Variants in TSHZ2 observed in about 807,000 individuals in gnomAD.
TSHZ2 encodes teashirt homolog 2.
Under a neutral mutation model 74.4 loss-of-function variants are expected in TSHZ2, and 21 were observed. That is an observed-to-expected ratio of 0.28 (90% confidence interval 0.20 to 0.41). The LOEUF is 0.41. Ranked by LOEUF, TSHZ2 falls within the 10% of genes least tolerant of loss-of-function variation. The pLI, the probability that TSHZ2 is intolerant of heterozygous loss-of-function variation, is 1.00. For synonymous variants in TSHZ2, 540 were observed against 515.3 expected (o/e 1.05, Z -0.65); for missense variants, 1,244 against 1,293.5 (o/e 0.96, Z 0.59).
At chr20:53,168,187 A>G (rs1160722277) in intron 1 of TSHZ2, among the ~76,000 whole-genome samples, 2 of 152,194 alleles carry the variant, frequency 1.3e-5, no homozygotes, top group East Asian at 3.8e-4. Flanking sequence ...CACTGTTGAC[A>G]TTTTTGTCTG....
chr20:53,279,947 C>T (rs1991022964), intron 2 of TSHZ2, among the ~76,000 whole-genome samples: 1 of 152,136 alleles, frequency 6.6e-6, no homozygotes, highest in South Asian at 2.1e-4. Flanking sequence ...GAGCTGGGCT[C>T]GTTGTGGGGA....
intron 2 of TSHZ2, among the ~76,000 whole-genome samples, chr20:53,388,832 C>G (rs201811): frequency 0.066 from 10,103 of 152,178 alleles, 448 homozygotes; most frequent in Non-Finnish European, 0.085. Flanking sequence ...ATCTGCCCGC[C>G]TTGGCCTCCC....
chr20:53,181,215 C>A (rs1988459638), intron 1 of TSHZ2, among the ~76,000 whole-genome samples: 1 of 152,218 alleles, frequency 6.6e-6, no homozygotes, highest in African/African-American at 2.4e-5. Flanking sequence ...GCTCCAGTCA[C>A]TCTCTGAAAT....
At position 53,337,148 on chromosome 20, in the gene TSHZ2, C is replaced by G. The variant is rs188010690; in HGVS notation, c.*8+80577C>G. Reference sequence around the variant, plus strand: ...GATAGGAGCTGAACTTGTCAATCCACAGGCAGAATGTCTTCCTCAGGAAAA... The same window carrying G: ...GATAGGAGCTGAACTTGTCAATCCAGAGGCAGAATGTCTTCCTCAGGAAAA... On this transcript the variant is annotated intron_variant, in intron 2 of 2. Transcript: ENST00000371497. 3.3e-5 allele frequency among the ~76,000 whole-genome samples: 5 copies of G among 152,326 alleles called. No individual in the cohort carries two copies. The East Asian group carries it at 9.7e-4, about 29-fold the overall frequency.
intron 1 of TSHZ2, among the ~76,000 whole-genome samples, chr20:52,978,254 G>A (rs1028280500): frequency 1.3e-5 from 2 of 152,116 alleles, no homozygotes; most frequent in Non-Finnish European, 2.9e-5. Flanking sequence ...ACTGAGCCTG[G>A]CATTTTTTAA....
chr20:53,296,683 T>G (rs891631659), intron 2 of TSHZ2, among the ~76,000 whole-genome samples: 1 of 152,242 alleles, frequency 6.6e-6, no homozygotes, highest in Admixed American at 6.5e-5. Flanking sequence ...AACTTCTTTA[T>G]ATTTTTGGTC....
intron 2 of TSHZ2, among the ~76,000 whole-genome samples, chr20:53,280,700 TG>T (rs145297973): frequency 0.14 from 21,479 of 151,884 alleles, 1,839 homozygotes; most frequent in African/African-American, 0.22. Flanking sequence ...GGGGTTTTTT[TG>T]TGTGTTTTTT....
chr20:53,139,554 A>G (rs1302558351), intron 1 of TSHZ2, among the ~76,000 whole-genome samples: 2 of 152,184 alleles, frequency 1.3e-5, no homozygotes, highest in East Asian at 1.9e-4. Flanking sequence ...TCCTCCCAAT[A>G]CAAATCAATC....
At chr20:53,287,171 T>C (rs1991183751) in intron 2 of TSHZ2, among the ~76,000 whole-genome samples, 2 of 152,222 alleles carry the variant, frequency 1.3e-5, no homozygotes, top group Non-Finnish European at 2.9e-5. Flanking sequence ...ACATACTCAA[T>C]ATACTGAACT....
At chr20:53,095,267 C>T (rs1319932803) in intron 1 of TSHZ2, among the ~76,000 whole-genome samples, 1 of 152,214 alleles carries the variant, frequency 6.6e-6, no homozygotes, top group Non-Finnish European at 1.5e-5. Flanking sequence ...CTAGCAGCCT[C>T]AGCTTTATAT....
chr20:53,213,702 T>C (rs1989367712), intron 1 of TSHZ2, among the ~76,000 whole-genome samples: 1 of 151,784 alleles, frequency 6.6e-6, no homozygotes, highest in South Asian at 2.1e-4. Flanking sequence ...TTGGACTTTT[T>C]TTTTTTTTTG....
intron 1 of TSHZ2, among the ~76,000 whole-genome samples, chr20:53,204,950 G>A (rs73270698): frequency 0.056 from 8,466 of 151,770 alleles, 836 homozygotes; most frequent in African/African-American, 0.19. Flanking sequence ...AAAATTAGCC[G>A]GCGCCATGTG....
intron 2 of TSHZ2, among the ~76,000 whole-genome samples, chr20:53,278,100 C>A (rs1990981902): frequency 6.6e-6 from 1 of 152,184 alleles, no homozygotes. Context: ...GTCTCAGGTG[C>A]TTCAGTTATA....
intron 1 of TSHZ2, among the ~76,000 whole-genome samples, chr20:53,139,975 T>C (rs114971846): frequency 0.22 from 33,525 of 151,960 alleles, 3,782 homozygotes; most frequent in Admixed American, 0.26. Context: ...ATCTGGCCGT[T>C]TTTTTGCCTC....
At chr20:52,978,413 A>G (rs938262248) in intron 1 of TSHZ2, among the ~76,000 whole-genome samples, 1 of 152,036 alleles carries the variant, frequency 6.6e-6, no homozygotes, top group African/African-American at 2.4e-5. Context: ...CCCTTCCATC[A>G]CTGTATTTAT....
intron 1 of TSHZ2, among the ~76,000 whole-genome samples, chr20:53,038,382 TC>T (rs1164800549): frequency 6.6e-6 from 1 of 151,944 alleles, no homozygotes; most frequent in African/African-American, 2.4e-5. Context: ...ATTGGGTTTC[TC>T]CCCTGGGGAA....
intron 2 of TSHZ2, among the ~76,000 whole-genome samples, chr20:53,430,044 T>A (rs181239965): frequency 1.2e-3 from 185 of 152,258 alleles, no homozygotes; most frequent in African/African-American, 4.2e-3. Flanking sequence ...CACTCCCAAT[T>A]GAAAAACCCT....
In TSHZ2 at chr20:53,489,526, C is replaced by T. The variant is rs961117789; in HGVS notation, c.*2391C>T. The T allele has an allele frequency of 5.2e-5, 11 of 213,502 alleles. No homozygotes were observed. Among genetic ancestry groups the T allele is most frequent in the African/African-American group, 4.6e-5 (2 of 43,406 alleles). The allele number at this position is 213,502 out of a possible 1,614,324, so 13.2% of individuals were successfully genotyped here. On this transcript the variant is annotated 3_prime_UTR_variant, in exon 3 of 3. Coordinates refer to ENST00000371497, the MANE Select transcript of TSHZ2 (RefSeq NM_173485.6). ...CTGCAACCATCCAAAAGTGGATTCT[C>T]GAGCCCTTGCTCCAATGGGGGGAGG...
intron 1 of TSHZ2, among the ~76,000 whole-genome samples, chr20:53,170,293 A>G (rs1988167670): frequency 6.6e-6 from 1 of 152,262 alleles, no homozygotes; most frequent in Non-Finnish European, 1.5e-5. Flanking sequence ...CATCTAGGCT[A>G]AGAAGCCGTA....
Sources: allele counts gnomAD v4.1 joint callset (sites outside exome capture counted in the v4.1 genomes callset), GRCh38; gene constraint gnomAD v4.1.1; transcripts MANE v1.5; gene names NCBI Gene and HGNC (gene_info 2026-07-23, HGNC 2026-07-21).